The following CENPF variants were observed in gnomAD, a reference collection of about 807,000 sequenced individuals.
CENPF encodes centromere protein F.
Under a neutral mutation model 307.3 loss-of-function variants are expected in CENPF, and 214 were observed. The ratio of observed to expected loss-of-function variants is 0.70; its 90% confidence interval spans 0.62 to 0.78. The LOEUF is 0.78. Among genes scored for constraint, CENPF ranks in the 30% least tolerant of loss-of-function variants. CENPF has a pLI of 0.00. For missense variants in CENPF, 3,401 were observed against 3,483.9 expected (o/e 0.98, Z 0.60); for synonymous variants, 1,259 against 1,270.6 (o/e 0.99, Z 0.19).
chr1:214,646,920 C>G lies in CENPF; in HGVS notation c.7350C>G (p.Leu2450=). ...TGCTTCAAACACAATTAAAAGAGCT[C>G]AATGAGAGAGTGGCAGCCCTGCATA... ...MEMLQTQLKE[L]NERVAALHND... The change falls in exon 13 of 20, where the codon CTC becomes CTG. Residue 2450 remains leucine, a synonymous_variant. Coordinates refer to ENST00000366955, the MANE Select transcript of CENPF (RefSeq NM_016343.4). The G allele has an allele frequency of 6.2e-7, 1 of 1,613,936 alleles. No homozygotes were observed. The highest frequency in any genetic ancestry group is 8.5e-7 in the Non-Finnish European group (1 of 1,179,970).
chr1:214,656,456 T>C (rs887896355), intron 17 of CENPF, among the ~76,000 whole-genome samples: 1 of 152,166 alleles, frequency 6.6e-6, no homozygotes, highest in African/African-American at 2.4e-5. Context: ...GATCCTCCAT[T>C]GCCTTCAGAT....
At chr1:214,608,147 C>T (rs1657089451) in intron 1 of CENPF, among the ~76,000 whole-genome samples, 1 of 152,228 alleles carries the variant, frequency 6.6e-6, no homozygotes, top group South Asian at 2.1e-4. Context: ...GGAGGCTGCA[C>T]CTGCACACCC....
At chr1:214,651,010 G>T (rs1337096499) in intron 14 of CENPF, among the ~76,000 whole-genome samples, 2 of 152,222 alleles carry the variant, frequency 1.3e-5, no homozygotes, top group Non-Finnish European at 2.9e-5. Context: ...ATTGAGATGA[G>T]CTTAGAAGAA....
At chr1:214,662,783 A>C (rs1474301007) in intron 19 of CENPF, among the ~76,000 whole-genome samples, 2 of 151,646 alleles carry the variant, frequency 1.3e-5, no homozygotes, top group Non-Finnish European at 2.9e-5. Flanking sequence ...CTACTATATA[A>C]ATTTCAATTT....
rs28647173 is a variant in CENPF at position 214,617,000 on chromosome 1, C to T, written c.360-1573C>T. Among the ~76,000 whole-genome samples, 6 of 128,714 alleles carry T rather than the reference C, an allele frequency of 4.7e-5. No individual in the cohort carries two copies. The East Asian group carries it at 1.0e-3, about 22-fold the overall frequency. The allele number at this position is 128,714 out of a possible 152,430, so 84.4% of individuals were successfully genotyped here. A position where few individuals can be genotyped will look rare whatever the true frequency, so the allele number is the denominator to read the frequency against. ...TCCCTCCCTCCCTCTCTCTCTTTCT[C>T]TCTTTCTTTCTTTCTTTCTCTTTCT... On this transcript the variant is annotated intron_variant, in intron 3 of 19. Coordinates refer to ENST00000366955, the MANE Select transcript of CENPF (RefSeq NM_016343.4).
rs775121602 is a variant in CENPF, at chr1:214,642,173, T to C, written c.3835T>C (p.Leu1279=). The change falls in exon 12 of 20, where the codon TTG becomes CTG. Residue 1279 remains leucine, a synonymous_variant. Coordinates refer to ENST00000366955, the MANE Select transcript of CENPF (RefSeq NM_016343.4). ...AAAGTATATTTCAGGGCCTCATGAGTTGTCAACAAGTCAAAACGACAATGC... is the reference window on the plus strand; with the variant it reads ...AAAGTATATTTCAGGGCCTCATGAGCTGTCAACAAGTCAAAACGACAATGC... The part of the protein sequence containing the change: ...EEKYISGPHE[L]STSQNDNAHL... 26 of 1,613,930 alleles carry C rather than the reference T, an allele frequency of 1.6e-5. No individual in the cohort carries two copies. Among genetic ancestry groups the C allele is most frequent in the African/African-American group, 4.0e-5 (3 of 74,900 alleles).
At chr1:214,630,461 A>C in intron 8 of CENPF, 73 bp from the exon 9 acceptor site, 1 of 1,577,186 alleles carries the variant, frequency 6.3e-7, no homozygotes, top group Non-Finnish European at 8.6e-7. Context: ...GCCTGTTAGG[A>C]TGCTCATGCC....
chr1:214,622,366 G>A, intron 7 of CENPF, 85 bp downstream of exon 7: 2 of 1,094,138 alleles, frequency 1.8e-6, no homozygotes, highest in Non-Finnish European at 2.6e-6. Flanking sequence ...ATAAGTTTAT[G>A]AAATGTCAGT....
chr1:214,631,807 T>C (rs984064427), intron 9 of CENPF, among the ~76,000 whole-genome samples: 2 of 152,218 alleles, frequency 1.3e-5, no homozygotes, highest in African/African-American at 4.8e-5. Flanking sequence ...GGCAGCATCC[T>C]AACATTTGAC....
chr1:214,607,313 G>A (rs1225751270), intron 1 of CENPF, among the ~76,000 whole-genome samples: 1 of 152,244 alleles, frequency 6.6e-6, no homozygotes, highest in Non-Finnish European at 1.5e-5. Context: ...GCAGGACAAA[G>A]TGGCAGCAGG....
chr1:214,622,778 A>G (rs944717937), intron 7 of CENPF, among the ~76,000 whole-genome samples: 174 of 89,588 alleles, frequency 1.9e-3, no homozygotes, highest in Middle Eastern at 5.5e-3. Context: ...TGTACCCATG[A>G]GTTCTGCATT....
chr1:214,651,644 T>TGTGTAGAAA, intron 14 of CENPF, 66 bp from the exon 15 acceptor site: 1 of 1,278,846 alleles, frequency 7.8e-7, no homozygotes, highest in Non-Finnish European at 1.1e-6. Flanking sequence ...CATTATTTCC[T>TGTGTAGAAA]AAAAATATTT....
chr1:214,642,296 G>A lies in CENPF; in HGVS notation c.3958G>A (p.Glu1320Lys). Residue 1320 changes from glutamate (E) to lysine (K), a missense_variant, in exon 12 of 20, where the codon GAG becomes AAG. By Grantham distance (56) the Glu-to-Lys change is moderately conservative. Transcript: ENST00000366955. ...GGCTGAAAAGTATGAACTCGTAACT[G>A]AGCTGAATGATTCAAGGTCAGAATG... ...LQAEKYELVT[E>K]LNDSRSECIT... 1.2e-6 allele frequency: 2 copies of A among 1,613,730 alleles called. No individual in the cohort carries two copies. The highest frequency in any genetic ancestry group is 1.7e-6 in the Non-Finnish European group (2 of 1,179,900).
intron 1 of CENPF, among the ~76,000 whole-genome samples, chr1:214,603,823 ATT>A (rs112698986): frequency 0.12 from 16,464 of 141,522 alleles, 1,503 homozygotes; most frequent in African/African-American, 0.26. Flanking sequence ...TCCCGTCCAC[ATT>A]TTTTTTTTTC....
intron 14 of CENPF, among the ~76,000 whole-genome samples, chr1:214,651,057 C>T (rs974499346): frequency 2.6e-5 from 4 of 152,140 alleles, no homozygotes; most frequent in African/African-American, 9.7e-5. Context: ...TTGCTGATGC[C>T]ATGAAAAGCT....
intron 7 of CENPF, among the ~76,000 whole-genome samples, chr1:214,627,211 C>T (rs941255329): frequency 1.3e-5 from 2 of 151,824 alleles, no homozygotes; most frequent in African/African-American, 4.8e-5. Context: ...AGGCGCCCAC[C>T]ACCACACCTG....
chr1:214,617,074 T>A (rs1028573114), intron 3 of CENPF, among the ~76,000 whole-genome samples: 1 of 150,932 alleles, frequency 6.6e-6, no homozygotes, highest in Non-Finnish European at 1.5e-5. Flanking sequence ...TTTGACAAAG[T>A]CTTGCTCTGT....
chr1:214,640,369 C>G lies in CENPF; in HGVS notation c.2031C>G (p.Val677=), dbSNP rs368651584. The G allele has an allele frequency of 1.2e-6, 2 of 1,613,806 alleles. No homozygotes were observed. The highest frequency in any genetic ancestry group is 1.1e-5 in the South Asian group (1 of 91,046). The change falls in exon 12 of 20, where the codon GTC becomes GTG. Residue 677 remains valine (V), a synonymous_variant. Coordinates refer to ENST00000366955, the MANE Select transcript of CENPF (RefSeq NM_016343.4). ...TLEMDRENLS[V]EIRNLHNVLD... is the part of the protein sequence containing the mutation. ...AGATGGACAGAGAAAACCTAAGTGT[C>G]GAGATCAGAAACCTTCACAACGTGT...
chr1:214,612,083 G>A (rs1472613235), intron 1 of CENPF, among the ~76,000 whole-genome samples: 2 of 152,142 alleles, frequency 1.3e-5, no homozygotes, highest in Non-Finnish European at 2.9e-5. Context: ...TTCAGCTTTT[G>A]CCCATTCAGT....
Sources: gnomAD v4.1 joint callset for allele counts (sites outside exome capture counted in the v4.1 genomes callset) on GRCh38, gnomAD v4.1.1 for gene constraint, MANE v1.5 for transcripts, NCBI Gene and HGNC (gene_info 2026-07-23, HGNC 2026-07-21) for gene names.